The following PUM1 variants were observed in gnomAD, a reference collection of about 807,000 sequenced individuals.
PUM1 encodes pumilio homolog 1.
In PUM1, 13 loss-of-function variants were observed where a neutral mutation model predicts 131.8. The ratio of observed to expected loss-of-function variants is 0.10; its 90% CI spans 0.06 to 0.16. The LOEUF (loss-of-function observed/expected upper bound fraction) is 0.16, where lower values mean the gene tolerates loss of function less well. Among genes scored for constraint, PUM1 ranks in the 10% least tolerant of loss-of-function variants. The pLI is 1.00. For missense variants in PUM1, 961 were observed against 1,512.4 expected (o/e 0.64, Z 6.05); for synonymous variants, 509 against 556.5 (o/e 0.91, Z 1.20).
At chr1:31,018,917 T>C (rs1642920907) in intron 3 of PUM1, among the ~76,000 whole-genome samples, 1 of 152,192 alleles carries the variant, frequency 6.6e-6, no homozygotes, top group Non-Finnish European at 1.5e-5. Flanking sequence ...GATCCAAATG[T>C]GTGCATATAG....
intron 20 of PUM1, among the ~76,000 whole-genome samples, chr1:30,938,872 G>T (rs1215402357): frequency 6.9e-6 from 1 of 145,436 alleles, no homozygotes; most frequent in Non-Finnish European, 1.5e-5. Flanking sequence ...CTCATTCATA[G>T]ATAGAGATAG....
intron 14 of PUM1, among the ~76,000 whole-genome samples, chr1:30,964,287 A>T (rs1640536112): frequency 6.6e-6 from 1 of 152,200 alleles, no homozygotes; most frequent in African/African-American, 2.4e-5. Context: ...TTTTGAAAGG[A>T]AATAAGGCAA....
chr1:30,992,151 A>G (rs1239939182), intron 7 of PUM1, among the ~76,000 whole-genome samples: 1 of 152,202 alleles, frequency 6.6e-6, no homozygotes, highest in Admixed American at 6.5e-5. Context: ...GCTGCTGAGG[A>G]GAGAGAAGAA....
intron 3 of PUM1, among the ~76,000 whole-genome samples, chr1:31,010,045 AAAC>A (rs1297354764): frequency 2.6e-5 from 4 of 152,184 alleles, no homozygotes; most frequent in African/African-American, 9.7e-5. Flanking sequence ...TCTCAAAAGG[AAAC>A]AACAATACAG....
intron 20 of PUM1, 88 bp from the exon 21 acceptor site, chr1:30,936,923 G>A (rs188483102): frequency 2.9e-5 from 32 of 1,099,416 alleles, no homozygotes; most frequent in East Asian, 1.8e-4. Context: ...CCTGACCTCC[G>A]GACCAGCAGG....
At chr1:30,978,874 G>A (rs576041061) in intron 9 of PUM1, among the ~76,000 whole-genome samples, 21 of 152,248 alleles carry the variant, frequency 1.4e-4, no homozygotes, top group Non-Finnish European at 2.6e-4. Flanking sequence ...CAAGGGAGGA[G>A]GACTGCTTGA....
chr1:31,049,243 C>T (rs564429057), intron 2 of PUM1, among the ~76,000 whole-genome samples: 13 of 150,574 alleles, frequency 8.6e-5, no homozygotes, highest in South Asian at 2.1e-4. Flanking sequence ...TGGCTGGGGG[C>T]GGTGGCTCAT....
chr1:30,980,373 C>T (rs1462083721), intron 8 of PUM1, among the ~76,000 whole-genome samples: 1 of 152,006 alleles, frequency 6.6e-6, no homozygotes, highest in Non-Finnish European at 1.5e-5. Flanking sequence ...TCAAATTTTA[C>T]CTTTGCTAAA....
intron 3 of PUM1, among the ~76,000 whole-genome samples, chr1:31,021,549 G>GA (rs1020692395): frequency 8.6e-5 from 13 of 151,994 alleles, no homozygotes; most frequent in Non-Finnish European, 1.8e-4. Context: ...TTTTGTATGA[G>GA]AAAAAAGAAA....
rs201961136 is a variant in PUM1 at position 31,059,304 on chromosome 1, T to C, written c.263A>G (p.Gln88Arg). Reference sequence around the variant, plus strand: ...TCCTCCCCCAAGCTGCTCACCATGCTGCCTCTGAAAGAAGTAGTCCACCAT... The same window carrying C: ...TCCTCCCCCAAGCTGCTCACCATGCCGCCTCTGAAAGAAGTAGTCCACCAT... ...DAMVDYFFQR[Q>R]HGEQLGGGGS... The change falls in exon 2 of 22, where the codon CAG becomes CGG. Residue 88 changes from glutamine (Q) to arginine (R), a missense_variant. Around this residue, in one of 4 missense-constraint regions of PUM1, gnomAD observed 654 missense variants for 923.9 expected, o/e 0.71. Coordinates refer to ENST00000426105, the MANE Select transcript of PUM1 (RefSeq NM_001020658.2). 1 of 1,614,196 alleles carries C rather than the reference T, an allele frequency of 6.2e-7. No individual in the cohort carries two copies. Among genetic ancestry groups the C allele is most frequent in the South Asian group, 1.1e-5 (1 of 91,084 alleles).
At chr1:30,985,248 AC>A (rs1570204964) in intron 7 of PUM1, among the ~76,000 whole-genome samples, 3 of 152,046 alleles carry the variant, frequency 2.0e-5, no homozygotes, top group South Asian at 4.1e-4. Flanking sequence ...TGGGGAGAGC[AC>A]CCCCAACAGA....
chr1:31,056,609 C>CTTTTCTTTTTTTT (rs1644245029), intron 2 of PUM1, among the ~76,000 whole-genome samples: 6 of 43,688 alleles, frequency 1.4e-4, no homozygotes, highest in Admixed American at 4.0e-4. Flanking sequence ...CTTTTCTTTT[C>CTTTTCTTTTTTTT]TTTTTTTTTT....
intron 20 of PUM1, among the ~76,000 whole-genome samples, chr1:30,938,904 TAGACAGACAGACAGAC>T (rs59153241): frequency 0.077 from 5,462 of 70,758 alleles, 308 homozygotes; most frequent in African/African-American, 0.19. Context: ...GATAGATAGA[TAGACAGACAGACAGAC>T]AGACAGACAG....
At position 30,983,505 on chromosome 1, in the gene PUM1, A is replaced by G. The variant is rs139310539; in HGVS notation, c.1159-2100T>C. On this transcript the variant is annotated intron_variant, in intron 7 of 21. Coordinates refer to ENST00000426105, the MANE Select transcript of PUM1 (RefSeq NM_001020658.2). ...GTGACATGGAACTGGGGAAAAAAAGACAGTATGTTCAGAACACAACTCTTA... is the reference window on the plus strand; with the variant it reads ...GTGACATGGAACTGGGGAAAAAAAGGCAGTATGTTCAGAACACAACTCTTA... Among the ~76,000 whole-genome samples, 157 of 152,338 alleles carry G rather than the reference A, an allele frequency of 1.0e-3. No homozygotes were observed. The East Asian group carries it at 0.028, about 27-fold the overall frequency.
chr1:31,032,549 T>C (rs1041553149), intron 2 of PUM1, among the ~76,000 whole-genome samples: 2 of 143,986 alleles, frequency 1.4e-5, no homozygotes, highest in Non-Finnish European at 3.0e-5. Context: ...CAGGCTGGAG[T>C]GCAGTGGCGT....
At chr1:30,936,381 T>C (rs143314870) in intron 21 of PUM1, among the ~76,000 whole-genome samples, 1 of 152,300 alleles carries the variant, frequency 6.6e-6, no homozygotes, top group Admixed American at 6.5e-5. Flanking sequence ...ACTCATAAGC[T>C]GATTCTCTAG....
At chr1:30,966,337 A>G in intron 12 of PUM1, 59 bp from the exon 13 acceptor site, 1 of 1,487,036 alleles carries the variant, frequency 6.7e-7, no homozygotes, top group South Asian at 1.4e-5. Flanking sequence ...TTTCCAAACT[A>G]CATTTTTATC....
At chr1:30,949,745 T>A (rs1639849702) in intron 17 of PUM1, among the ~76,000 whole-genome samples, 1 of 152,020 alleles carries the variant, frequency 6.6e-6, no homozygotes, top group Admixed American at 6.6e-5. Flanking sequence ...GTTGGTGGGA[T>A]GAAAGAACAG....
At position 30,965,975 on chromosome 1, in the gene PUM1, T is replaced by C. The variant is rs754086937; in HGVS notation, c.2086+7A>G. The C allele has an allele frequency of 2.5e-6, 4 of 1,606,810 alleles. No homozygotes were observed. The South Asian group carries it at 3.3e-5, about 13-fold the overall frequency. ...CAGTCTTAAGAGCATATCAGTCTAATTTCTACCTGCTGTTCCAAACCCTCC... is the reference window on the plus strand; with the variant it reads ...CAGTCTTAAGAGCATATCAGTCTAACTTCTACCTGCTGTTCCAAACCCTCC... On this transcript the variant is annotated splice_region_variant and intron_variant, in intron 13 of 21. Transcript: ENST00000426105.
Sources: allele counts gnomAD v4.1 joint callset (sites outside exome capture counted in the v4.1 genomes callset), GRCh38; gene constraint gnomAD v4.1.1; regional missense constraint gnomAD v4.1.1; transcripts MANE v1.5; gene names NCBI Gene and HGNC (gene_info 2026-07-23, HGNC 2026-07-21).